GFI1B: variants seen among roughly 807,000 people sequenced by gnomAD.
GFI1B encodes zinc finger protein Gfi-1b.
In GFI1B, 20 loss-of-function variants were observed where a neutral mutation model predicts 35.3. The observed-to-expected ratio is 0.57, with a 90% confidence interval of 0.40 to 0.82. The LOEUF (loss-of-function observed/expected upper bound fraction) is 0.82. GFI1B is among the 40% of genes least tolerant of loss of function. GFI1B has a pLI of 0.00. For synonymous variants in GFI1B, 178 were observed against 177.6 expected, an observed-to-expected ratio of 1.00 and a Z score of -0.02; for missense variants, 430 against 446.3, an observed-to-expected ratio of 0.96 and a Z score of 0.33.
At chr9:132,962,648 G>T (rs533192966) in intron 1 of GFI1B, 2 of 494,572 alleles carry the variant, frequency 4.0e-6, no homozygotes, top group East Asian at 5.6e-5. Context: ...TATTGAAGAA[G>T]AACCAAGCTG....
intron 1 of GFI1B, among the ~76,000 whole-genome samples, chr9:132,964,806 C>T (rs1848425691): frequency 7.8e-6 from 1 of 127,396 alleles, no homozygotes; most frequent in South Asian, 2.6e-4. Flanking sequence ...GTGGCGTGAT[C>T]TCGGCTCATT....
upstream of GFI1B, among the ~76,000 whole-genome samples, chr9:132,976,307 C>T (rs75653292): frequency 0.062 from 9,384 of 152,168 alleles, 390 homozygotes; most frequent in East Asian, 0.15. Flanking sequence ...GAAAATGACA[C>T]GCTGGTTTAC....
At chr9:132,963,081 CAAAAAAAA>C (rs763899545) in intron 1 of GFI1B, among the ~76,000 whole-genome samples, 3 of 47,990 alleles carry the variant, frequency 6.3e-5, no homozygotes, top group Non-Finnish European at 8.0e-5. Context: ...GACTCCATCT[CAAAAAAAA>C]AAAAAAAAAA....
chr9:132,947,516 C>T lies in GFI1B; in HGVS notation c.-701+1847C>T, dbSNP rs1349632949. ...CCCGGGGTCAGAACAAATTTATAGA[C>T]AAAGTAAAGTGGCCTGGCGCAGTAG... On this transcript the variant is annotated intron_variant, in intron 1 of 10. Coordinates refer to the GFI1B transcript ENST00000339463. Among the ~76,000 whole-genome samples, 3 of 151,092 alleles carry T rather than the reference C, an allele frequency of 2.0e-5. No homozygotes were observed. The East Asian group carries it at 5.9e-4, about 29-fold the overall frequency.
intron 1 of GFI1B, among the ~76,000 whole-genome samples, chr9:132,965,059 C>T (rs1442286566): frequency 6.6e-6 from 1 of 152,116 alleles, no homozygotes; most frequent in African/African-American, 2.4e-5. Flanking sequence ...ATGCCTATAC[C>T]TGAATAAACA....
chr9:132,991,856 C>T (rs1363156837), downstream of GFI1B, among the ~76,000 whole-genome samples: 6 of 152,062 alleles, frequency 3.9e-5, no homozygotes, highest in Admixed American at 1.3e-4. Context: ...GACCCGCTGA[C>T]GAGCCAGGAG....
At chr9:132,977,426 C>G (rs542044728), upstream of GFI1B, among the ~76,000 whole-genome samples, 66 of 152,270 alleles carry the variant, frequency 4.3e-4, no homozygotes, top group African/African-American at 1.6e-3. Flanking sequence ...GCTGGCCCAG[C>G]AGAAAGACCT....
intron 1 of GFI1B, among the ~76,000 whole-genome samples, chr9:132,956,848 G>T (rs932362238): frequency 6.6e-5 from 10 of 152,214 alleles, no homozygotes. Context: ...ATGTCAGCTG[G>T]TGCTACAGTC....
intron 1 of GFI1B, among the ~76,000 whole-genome samples, chr9:132,967,245 A>G (rs1465485325): frequency 6.6e-6 from 1 of 152,196 alleles, no homozygotes; most frequent in Non-Finnish European, 1.5e-5. Context: ...CAGAACTGTG[A>G]GCCAAATAAA....
intron 1 of GFI1B, among the ~76,000 whole-genome samples, chr9:132,984,552 G>C (rs1004963856): frequency 1.3e-5 from 2 of 152,192 alleles, no homozygotes; most frequent in Non-Finnish European, 2.9e-5. Context: ...CTTGGCACAG[G>C]GCTTACCCCG....
At chr9:132,993,260 C>T (rs1465838357), downstream of GFI1B, among the ~76,000 whole-genome samples, 1 of 152,164 alleles carries the variant, frequency 6.6e-6, no homozygotes, top group Non-Finnish European at 1.5e-5. Context: ...TGTCGTTGCA[C>T]TCCAGCTCTG....
chr9:132,958,283 T>C (rs1313153570), intron 1 of GFI1B, among the ~76,000 whole-genome samples: 3 of 152,110 alleles, frequency 2.0e-5, no homozygotes, highest in Non-Finnish European at 2.9e-5. Flanking sequence ...TGTTAGGCCG[T>C]TCTTGCGTTG....
At chr9:132,948,168 C>T (rs987992546) in intron 1 of GFI1B, among the ~76,000 whole-genome samples, 6 of 151,712 alleles carry the variant, frequency 4.0e-5, no homozygotes, top group African/African-American at 1.5e-4. Context: ...GACTAGAGTG[C>T]TCCTCTGGGT....
intron 1 of GFI1B, among the ~76,000 whole-genome samples, chr9:132,980,009 C>A (rs1006708077): frequency 6.6e-6 from 1 of 152,216 alleles, no homozygotes; most frequent in Non-Finnish European, 1.5e-5. Flanking sequence ...CCAAGTCTAG[C>A]AAAGTGTCAA....
Position 132,991,116 on chromosome 9 carries a change from A to C in GFI1B, c.*66A>C. The C allele has an allele frequency of 6.7e-5, 95 of 1,411,808 alleles. No individual in the cohort carries two copies. Among genetic ancestry groups the C allele is most frequent in the Non-Finnish European group, 8.1e-5 (82 of 1,008,266 alleles). 87.5% of individuals were successfully genotyped at this position (1,411,808 alleles called of 1,614,324 possible). On this transcript the variant is annotated 3_prime_UTR_variant, in exon 7 of 7. Coordinates refer to ENST00000372122, the MANE Select transcript of GFI1B (RefSeq NM_001377304.1). ...GTCCTGTCACCTGGAGGCCAGCCTC[A>C]CATGCCCAAATCTCCAGTCTCCTGG...
chr9:132,960,323 G>A (rs1189476037), intron 1 of GFI1B, among the ~76,000 whole-genome samples: 2 of 152,148 alleles, frequency 1.3e-5, no homozygotes, highest in African/African-American at 4.8e-5. Flanking sequence ...TCAGGTGTAG[G>A]GAATAGGAGG....
At chr9:132,959,632 A>C (rs748443986) in intron 1 of GFI1B, among the ~76,000 whole-genome samples, 73 of 152,244 alleles carry the variant, frequency 4.8e-4, no homozygotes, top group Admixed American at 1.7e-3. Context: ...AAACAACAGA[A>C]GATTATTCTC....
chr9:132,950,565 T>A, intron 1 of GFI1B, among the ~76,000 whole-genome samples: 1 of 138,634 alleles, frequency 7.2e-6, no homozygotes, highest in Non-Finnish European at 1.6e-5. Context: ...TTTTTTTTTT[T>A]TTTTTTTTTT....
intron 3 of GFI1B, 76 bp from the exon 4 acceptor site, chr9:132,988,121 C>T: frequency 2.2e-6 from 3 of 1,378,550 alleles, no homozygotes; most frequent in Non-Finnish European, 3.1e-6. Context: ...GCTGGAATTG[C>T]AGGCATGAGC....
Sources: allele counts gnomAD v4.1 joint callset (sites outside exome capture counted in the v4.1 genomes callset), GRCh38; gene constraint gnomAD v4.1.1; transcripts MANE v1.5; gene names NCBI Gene and HGNC (gene_info 2026-07-23, HGNC 2026-07-21).